The following HECTD4 variants were observed in gnomAD, a reference collection of about 807,000 sequenced individuals.
The protein encoded by HECTD4 is HECT domain E3 ubiquitin protein ligase 4, also known as probable E3 ubiquitin-protein ligase HECTD4.
In HECTD4, 114 loss-of-function variants were observed where a neutral mutation model predicts 471.5. That is an observed-to-expected ratio of 0.24 (90% confidence interval 0.21 to 0.28). HECTD4 has a LOEUF of 0.28. HECTD4 is among the 10% of genes least tolerant of loss of function. HECTD4 has a pLI of 1.00. For synonymous variants in HECTD4, 2,012 were observed against 2,256.0 expected (o/e 0.89, Z 3.07); for missense variants, 3,866 against 5,651.5 (o/e 0.68, Z 10.13).
chr12:112,354,045 GAAT>G (rs945755744), intron 1 of HECTD4, among the ~76,000 whole-genome samples: 2 of 151,752 alleles, frequency 1.3e-5, no homozygotes, highest in Non-Finnish European at 2.9e-5. Context: ...CTACCTCTAA[GAAT>G]AATAATAATA....
Position 112,319,336 on chromosome 12 carries a change from A to G in HECTD4, c.584T>C (p.Ile195Thr). The G allele has an allele frequency of 1.3e-6, 2 of 1,536,136 alleles. No homozygotes were observed. Among genetic ancestry groups the G allele is most frequent in the Non-Finnish European group, 1.7e-6 (2 of 1,146,904 alleles). The change falls in exon 2 of 76, where the codon ATT becomes ACT. Residue 195 changes from isoleucine to threonine, a missense_variant. Coordinates refer to ENST00000682272, the MANE Select transcript of HECTD4 (RefSeq NM_001388303.1). This position sits in a 1 kb window ranked among gnomAD's most constrained non-coding sequence, Gnocchi z 5.3. Reference protein sequence around the residue: ...TKEPADCLNGIETLLCSWLEE... With the variant: ...TKEPADCLNGTETLLCSWLEE... ...TAGCCAAGAGCACAGCAAAGTTTCA[A>G]TTCCATTGAGACAGTCAGCAGGCTC... is the stretch of plus-strand genomic sequence containing the variant.
chr12:112,208,302 C>A (rs146315653), intron 51 of HECTD4, among the ~76,000 whole-genome samples, 192 bp downstream of exon 51: 1 of 152,192 alleles, frequency 6.6e-6, no homozygotes, highest in Non-Finnish European at 1.5e-5. Flanking sequence ...AATGGCCCAA[C>A]GGATATCGCT....
chr12:112,170,374 G>C lies in HECTD4; in HGVS notation c.12011C>G (p.Ala4004Gly), dbSNP rs779731693. Residue 4004 changes from alanine to glycine, a missense_variant, in exon 69 of 76, where the codon GCG becomes GGG. Ala to Gly is a moderately conservative substitution (Grantham distance 60). Transcript: ENST00000682272. ...TGGGTCCAAGGTGATCTCAGGGGCC[G>C]CGTGGTCCGCTGTCCTCTGCACAGT... ...NATVQRTADH[A>G]APEITLDPLE... The C allele has an allele frequency of 6.2e-7, 1 of 1,613,840 alleles. No homozygotes were observed. The highest frequency in any genetic ancestry group is 1.1e-5 in the South Asian group (1 of 91,086).
rs2031952102 is a variant in HECTD4 at position 112,188,226 on chromosome 12, T to C, written c.9472+2560A>G. On this transcript the variant is annotated intron_variant, in intron 60 of 75. Coordinates refer to ENST00000682272, the MANE Select transcript of HECTD4 (RefSeq NM_001388303.1). The surrounding 1 kb of genome is among the most constrained non-coding windows in gnomAD (Gnocchi z 4.2). ...ATCACTTGAACCCAGGAGGTGGAAG[T>C]TGCAGTGAGCTGAGATCGCACCACT... Among the ~76,000 whole-genome samples the C allele has an allele frequency of 6.6e-6, 1 of 152,128 alleles. No individual in the cohort carries two copies. Among genetic ancestry groups the C allele is most frequent in the African/African-American group, 2.4e-5 (1 of 41,428 alleles).
At chr12:112,295,801 T>TTA (rs1196971512) in intron 7 of HECTD4, among the ~76,000 whole-genome samples, 1 of 144,010 alleles carries the variant, frequency 6.9e-6, no homozygotes, top group Non-Finnish European at 1.5e-5. Context: ...ACCATTAAAT[T>TTA]AAAAAAAAAA....
At chr12:112,318,296 G>C (rs1182374246) in intron 2 of HECTD4, among the ~76,000 whole-genome samples, 6 of 148,346 alleles carry the variant, frequency 4.0e-5, no homozygotes, top group African/African-American at 1.2e-4. Context: ...AGAAAAGAGA[G>C]AAAAGCAAAA....
intron 16 of HECTD4, 69 bp downstream of exon 16, chr12:112,265,106 T>A (rs1489356872): frequency 7.1e-7 from 1 of 1,405,482 alleles, no homozygotes; most frequent in Non-Finnish European, 9.8e-7. Context: ...CACACACCTG[T>A]CAATATAATA....
At chr12:112,212,246 G>A (rs2032784841) in intron 49 of HECTD4, among the ~76,000 whole-genome samples, 1 of 152,244 alleles carries the variant, frequency 6.6e-6, no homozygotes, top group South Asian at 2.1e-4. Flanking sequence ...GGGAAAGGTT[G>A]CTAAAAAAAT....
At chr12:112,186,881 C>T (rs939307563) in intron 60 of HECTD4, among the ~76,000 whole-genome samples, 2 of 151,588 alleles carry the variant, frequency 1.3e-5, no homozygotes, top group Admixed American at 6.6e-5. Flanking sequence ...TTGGCCAGGC[C>T]GGTCTTGAAC....
chr12:112,349,731 GA>G (rs779411987), intron 1 of HECTD4, among the ~76,000 whole-genome samples: 2 of 152,118 alleles, frequency 1.3e-5, no homozygotes, highest in Admixed American at 6.6e-5. Flanking sequence ...CCTTTTCCTG[GA>G]AACAGTGCCT....
At chr12:112,274,687 A>G (rs997899254) in intron 10 of HECTD4, among the ~76,000 whole-genome samples, 160 bp downstream of exon 10, 4 of 152,036 alleles carry the variant, frequency 2.6e-5, no homozygotes, top group African/African-American at 9.7e-5. Context: ...AGCCTAGGTG[A>G]CAGAAGAGAC....
At chr12:112,327,787 G>A (rs1463133158) in intron 1 of HECTD4, among the ~76,000 whole-genome samples, 1 of 152,186 alleles carries the variant, frequency 6.6e-6, no homozygotes, top group Non-Finnish European at 1.5e-5. Context: ...CCCATCTGTT[G>A]TACTTTGGCA....
chr12:112,379,318 A>G (rs552090099), intron 1 of HECTD4, among the ~76,000 whole-genome samples: 1 of 152,334 alleles, frequency 6.6e-6, no homozygotes, highest in Non-Finnish European at 1.5e-5. Context: ...AATGAGTGCA[A>G]TATTTCCAAT....
chr12:112,312,267 T>C (rs2035389072), intron 4 of HECTD4, among the ~76,000 whole-genome samples: 1 of 152,224 alleles, frequency 6.6e-6, no homozygotes, highest in Non-Finnish European at 1.5e-5. Context: ...TAAGATTTAA[T>C]GATAAAATCA....
At chr12:112,296,997 G>C (rs891415778) in intron 7 of HECTD4, among the ~76,000 whole-genome samples, 15 of 151,308 alleles carry the variant, frequency 9.9e-5, no homozygotes, top group Non-Finnish European at 1.8e-4. Flanking sequence ...AGGTGCAGAT[G>C]GTGTAGGTGC....
At chr12:112,373,653 C>T (rs2036725863) in intron 1 of HECTD4, among the ~76,000 whole-genome samples, 2 of 152,102 alleles carry the variant, frequency 1.3e-5, no homozygotes, top group African/African-American at 4.8e-5. Context: ...AATATGCTGG[C>T]GCTGTTGTCG....
intron 19 of HECTD4, 148 bp from the exon 20 acceptor site, chr12:112,258,744 C>G: frequency 1.6e-6 from 1 of 613,418 alleles, no homozygotes; most frequent in South Asian, 2.3e-5. Context: ...CTACTTAGAC[C>G]ACTTAACATT....
intron 1 of HECTD4, among the ~76,000 whole-genome samples, chr12:112,362,908 G>C (rs900968954): frequency 2.0e-5 from 3 of 152,020 alleles, no homozygotes; most frequent in Non-Finnish European, 4.4e-5. Flanking sequence ...CACCATGTTT[G>C]CCAGGCTGGT....
intron 44 of HECTD4, among the ~76,000 whole-genome samples, chr12:112,226,111 T>C (rs912372427): frequency 5.3e-5 from 8 of 152,078 alleles, no homozygotes; most frequent in African/African-American, 9.7e-5. Flanking sequence ...CAGTTATGAG[T>C]AGACAACTGT....
Sources: gnomAD v4.1 joint callset for allele counts (sites outside exome capture counted in the v4.1 genomes callset) on GRCh38, gnomAD v4.1.1 for gene constraint, Gnocchi (gnomAD v3.1) non-coding constraint, MANE v1.5 for transcripts, NCBI Gene and HGNC (gene_info 2026-07-23, HGNC 2026-07-21) for gene names.